The following PPP1R12A variants were observed in gnomAD, a reference collection of about 807,000 sequenced individuals.
PPP1R12A encodes the protein protein phosphatase 1 regulatory subunit 12A, also known as myosin binding subunit.
A neutral mutation model predicts 139.6 loss-of-function variants in PPP1R12A; 19 were observed. The observed-to-expected ratio is 0.14, with a 90% CI of 0.09 to 0.20. The LOEUF (loss-of-function observed/expected upper bound fraction) is 0.20. PPP1R12A is among the 10% of genes least tolerant of loss of function. The probability of loss-of-function intolerance (pLI) is 1.00; values close to 1 mark genes in which losing one functional copy is unlikely to be tolerated. For missense variants in PPP1R12A, 925 were observed against 1,211.5 expected, an observed-to-expected ratio of 0.76 and a Z score of 3.51; for synonymous variants, 427 against 420.6, an observed-to-expected ratio of 1.02 and a Z score of -0.19.
chr12:79,783,431 G>T (rs1384220925), intron 22 of PPP1R12A, among the ~76,000 whole-genome samples: 1 of 151,938 alleles, frequency 6.6e-6, no homozygotes, highest in South Asian at 2.1e-4. Context: ...CTGTACCACT[G>T]CACTCCAGCT....
At position 79,934,877 on chromosome 12, in the gene PPP1R12A, C is replaced by T. The variant is rs760376919; in HGVS notation, c.55G>A (p.Gly19Ser). 1.2e-6 allele frequency: 2 copies of T among 1,610,702 alleles called. No homozygotes were observed. The highest frequency in any genetic ancestry group is 3.4e-5 in the Admixed American group (2 of 59,630). Reference sequence around the variant, plus strand: ...GGAGGCTCGAGGTCCGTCTCGGAGCCGATCCAGCGTTTCAGCTGCTCGTTC... The same window carrying T: ...GGAGGCTCGAGGTCCGTCTCGGAGCTGATCCAGCGTTTCAGCTGCTCGTTC... ...KRNEQLKRWI[G>S]SETDLEPPVV... Residue 19 changes from glycine to serine, a missense_variant, in exon 1 of 25, where the codon GGC becomes AGC. Physicochemically the swap from Gly to Ser is moderately conservative, Grantham distance 56. Around this residue, in one of 4 missense-constraint regions of PPP1R12A, gnomAD observed 199 missense variants for 352.4 expected, o/e 0.56. Coordinates refer to ENST00000450142, the MANE Select transcript of PPP1R12A (RefSeq NM_002480.3).
intron 1 of PPP1R12A, among the ~76,000 whole-genome samples, chr12:79,919,599 A>C (rs1162552342): frequency 1.3e-5 from 2 of 152,170 alleles, no homozygotes; most frequent in Non-Finnish European, 2.9e-5. Context: ...TCTAGGTGAA[A>C]TATGCCTTCA....
intron 19 of PPP1R12A, among the ~76,000 whole-genome samples, chr12:79,792,218 A>T (rs1332508147): frequency 6.6e-6 from 1 of 152,120 alleles, no homozygotes; most frequent in Non-Finnish European, 1.5e-5. Context: ...ATTTATCTAC[A>T]TCCATTCTTC....
intron 4 of PPP1R12A, among the ~76,000 whole-genome samples, chr12:79,831,476 G>C (rs1305060101): frequency 6.6e-6 from 1 of 152,104 alleles, no homozygotes; most frequent in East Asian, 1.9e-4. Context: ...CCAGCTACTA[G>C]AGAGGCTGAG....
intron 1 of PPP1R12A, among the ~76,000 whole-genome samples, chr12:79,885,906 G>T (rs925194245): frequency 6.6e-6 from 1 of 152,016 alleles, no homozygotes; most frequent in African/African-American, 2.4e-5. Flanking sequence ...ATGTTGCCCA[G>T]GCTGGTCTAG....
At chr12:79,910,853 G>A (rs966101485) in intron 1 of PPP1R12A, among the ~76,000 whole-genome samples, 11 of 152,270 alleles carry the variant, frequency 7.2e-5, no homozygotes, top group Middle Eastern at 3.4e-3. Flanking sequence ...AGGGAAAGTG[G>A]AAAGTAAAAA....
At chr12:79,864,292 GA>G (rs1881713426) in intron 2 of PPP1R12A, among the ~76,000 whole-genome samples, 1 of 152,108 alleles carries the variant, frequency 6.6e-6, no homozygotes, top group South Asian at 2.1e-4. Context: ...TGAAACCAAT[GA>G]AAACAAAGAC....
chr12:79,933,458 G>C (rs1297771037), intron 1 of PPP1R12A, among the ~76,000 whole-genome samples: 1 of 152,068 alleles, frequency 6.6e-6, no homozygotes, highest in African/African-American at 2.4e-5. Context: ...TCCCAAACAA[G>C]TTTTTACTAC....
chr12:79,812,998 A>G, intron 9 of PPP1R12A, among the ~76,000 whole-genome samples: 1 of 152,118 alleles, frequency 6.6e-6, no homozygotes, highest in South Asian at 2.1e-4. Context: ...ACCTTTTCTC[A>G]ATAAGCCTCT....
At chr12:79,904,366 A>C (rs1885911300) in intron 1 of PPP1R12A, among the ~76,000 whole-genome samples, 1 of 152,110 alleles carries the variant, frequency 6.6e-6, no homozygotes, top group African/African-American at 2.4e-5. Context: ...ATCCCCGAAC[A>C]GACTGGAAAC....
At chr12:79,867,149 G>C (rs901882193) in intron 2 of PPP1R12A, among the ~76,000 whole-genome samples, 5 of 152,186 alleles carry the variant, frequency 3.3e-5, no homozygotes, top group Non-Finnish European at 5.9e-5. Context: ...CATAAAAAAG[G>C]ATGAGTTCAT....
intron 1 of PPP1R12A, among the ~76,000 whole-genome samples, chr12:79,911,252 A>C (rs1275907590): frequency 6.6e-6 from 1 of 152,150 alleles, no homozygotes; most frequent in African/African-American, 2.4e-5. Flanking sequence ...CTCCAGGCGC[A>C]ACACCCTGAG....
intron 9 of PPP1R12A, among the ~76,000 whole-genome samples, chr12:79,811,576 A>G (rs1166824530): frequency 6.6e-6 from 1 of 152,190 alleles, no homozygotes; most frequent in East Asian, 1.9e-4. Context: ...TGCGAACTCT[A>G]ATATTCTGTG....
chr12:79,776,335 T>A (rs758969383), intron 24 of PPP1R12A, among the ~76,000 whole-genome samples: 2 of 152,114 alleles, frequency 1.3e-5, no homozygotes, highest in Non-Finnish European at 2.9e-5. Flanking sequence ...TTTGTTAGGA[T>A]AGGCTCTTAA....
chr12:79,879,890 G>A (rs1013621012), intron 1 of PPP1R12A, among the ~76,000 whole-genome samples: 1 of 151,186 alleles, frequency 6.6e-6, no homozygotes, highest in Non-Finnish European at 1.5e-5. Flanking sequence ...AAAAAAGCAG[G>A]CTACCATTTG....
Position 79,908,022 on chromosome 12 carries a change from A to C in PPP1R12A, c.237+26673T>G, listed in dbSNP as rs149365260. On this transcript the variant is annotated intron_variant, in intron 1 of 24. Transcript: ENST00000450142. ...TGACCTCCATTATTAGCCTAAGGAA[A>C]AATCAGACGGCTTGCTACATACACT... 5.4e-3 allele frequency among the ~76,000 whole-genome samples: 823 copies of C among 152,298 alleles called. 5 individuals are homozygous for C. The highest frequency in any genetic ancestry group is 0.019 in the African/African-American group (782 of 41,564).
At chr12:79,907,520 G>C (rs1304156696) in intron 1 of PPP1R12A, among the ~76,000 whole-genome samples, 2 of 152,166 alleles carry the variant, frequency 1.3e-5, no homozygotes, top group Non-Finnish European at 2.9e-5. Context: ...TTGATAAACA[G>C]AGCAAGTGCC....
At chr12:79,847,886 G>T (rs1879589002) in intron 2 of PPP1R12A, among the ~76,000 whole-genome samples, 1 of 152,110 alleles carries the variant, frequency 6.6e-6, no homozygotes, top group Non-Finnish European at 1.5e-5. Flanking sequence ...CAGCCAGATG[G>T]AGGCCCAGTT....
intron 9 of PPP1R12A, among the ~76,000 whole-genome samples, chr12:79,812,425 G>C (rs112296888): frequency 2.5e-3 from 86 of 34,996 alleles, no homozygotes; most frequent in African/African-American, 9.1e-3. Context: ...TGTGTGTAAC[G>C]TTCCTTATAC....
Sources: allele counts gnomAD v4.1 joint callset (sites outside exome capture counted in the v4.1 genomes callset), GRCh38; gene constraint gnomAD v4.1.1; regional missense constraint gnomAD v4.1.1; transcripts MANE v1.5; gene names NCBI Gene and HGNC (gene_info 2026-07-23, HGNC 2026-07-21).